The following PFKM variants were observed in gnomAD, a reference collection of about 807,000 sequenced individuals.
PFKM encodes phosphofructokinase, muscle.
A neutral mutation model predicts 95.5 loss-of-function variants in PFKM; 58 were observed. That is an observed-to-expected ratio of 0.61 (90% CI 0.49 to 0.76). The LOEUF (loss-of-function observed/expected upper bound fraction) is 0.76, where lower values mean the gene tolerates loss of function less well. Among genes scored for constraint, PFKM ranks in the 30% least tolerant of loss-of-function variants. The pLI is 0.00. For synonymous variants in PFKM, 336 were observed against 357.2 expected, an observed-to-expected ratio of 0.94 and a Z score of 0.67; for missense variants, 678 against 1,005.4, an observed-to-expected ratio of 0.67 and a Z score of 4.40.
At chr12:48,135,267 C>A in intron 9 of PFKM, 24 bp from the exon 10 acceptor site, 1 of 1,589,074 alleles carries the variant, frequency 6.3e-7, no homozygotes, top group Non-Finnish European at 8.6e-7. Flanking sequence ...AACCCTCTCT[C>A]TGTCCCTCTG....
At chr12:48,143,661 C>T in intron 18 of PFKM, 92 bp from the exon 19 acceptor site, 1 of 923,218 alleles carries the variant, frequency 1.1e-6, no homozygotes. Context: ...CCATGTGTCT[C>T]TTCCTTCCTG....
chr12:48,139,124 A>G (rs1288560425), intron 11 of PFKM, among the ~76,000 whole-genome samples, 161 bp from the exon 12 acceptor site: 1 of 152,238 alleles, frequency 6.6e-6, no homozygotes, highest in African/African-American at 2.4e-5. Context: ...AAAAACAAAA[A>G]TACTTCCATG....
intron 20 of PFKM, 70 bp downstream of exon 20, chr12:48,144,227 G>A: frequency 9.8e-7 from 1 of 1,021,294 alleles, no homozygotes; most frequent in Non-Finnish European, 1.5e-6. Context: ...CCTGCCAACA[G>A]CCACTGAGGC....
chr12:48,145,457 A>G lies in PFKM; in HGVS notation c.2199-107A>G, dbSNP rs965896669. On this transcript the variant is annotated intron_variant, in intron 22 of 22. Transcript: ENST00000359794. The surrounding 1 kb of genome is among the most constrained non-coding windows in gnomAD (Gnocchi z 4.3). ...CTTACCCATTTCAGATGTGATGCAC[A>G]TGTCCTAAATCTAACCTCTTCTGTC... The G allele has an allele frequency of 7.2e-7, 1 of 1,383,610 alleles. No individual in the cohort carries two copies. Among genetic ancestry groups the G allele is most frequent in the Non-Finnish European group, 1.0e-6 (1 of 978,566 alleles). 85.7% of individuals were successfully genotyped at this position (1,383,610 alleles called of 1,614,324 possible).
At chr12:48,122,318 T>C (rs187732538) in intron 1 of PFKM, among the ~76,000 whole-genome samples, 43 of 152,360 alleles carry the variant, frequency 2.8e-4, no homozygotes, top group Non-Finnish European at 1.5e-5. Flanking sequence ...ACCCTTGCTC[T>C]TCTACTTCTA....
At chr12:48,139,051 T>A (rs557316302) in intron 11 of PFKM, among the ~76,000 whole-genome samples, 70 of 152,098 alleles carry the variant, frequency 4.6e-4, no homozygotes, top group Middle Eastern at 3.4e-3. Flanking sequence ...AAAAAAAAAA[T>A]AAAATAAACA....
chr12:48,136,692 C>CTTTTTTTTTTTTTTTTT (rs1166389532), intron 10 of PFKM, among the ~76,000 whole-genome samples: 2 of 63,022 alleles, frequency 3.2e-5, no homozygotes, highest in Non-Finnish European at 5.9e-5. Flanking sequence ...GGGGTCGTCA[C>CTTTTTTTTTTTTTTTTT]TTTTTTTTTT....
intron 2 of PFKM, 133 bp downstream of exon 2, chr12:48,122,992 C>T (rs1398418211): frequency 1.3e-6 from 1 of 769,558 alleles, no homozygotes; most frequent in African/African-American, 1.7e-5. Context: ...TCTGTGAGGC[C>T]TAAGTCCTCA....
chr12:48,139,118 A>C (rs1950358806), intron 11 of PFKM, among the ~76,000 whole-genome samples, 167 bp from the exon 12 acceptor site: 1 of 152,218 alleles, frequency 6.6e-6, no homozygotes, highest in African/African-American at 2.4e-5. Context: ...CTCAGGAAAA[A>C]CAAAAATACT....
At chr12:48,125,310 AT>A (rs746672991) in intron 2 of PFKM, 11,671 of 318,706 alleles carry the variant, frequency 0.037, no homozygotes, top group South Asian at 0.057. Context: ...TATCTTTTTG[AT>A]TTTTTTTTTT....
rs1950564823 is a variant in PFKM at position 48,141,397 on chromosome 12, G to T, written c.1412+16G>T. On this transcript the variant is annotated intron_variant, in intron 15 of 22. Coordinates refer to ENST00000359794, the MANE Select transcript of PFKM (RefSeq NM_000289.6). The stretch of plus-strand genomic sequence containing the variant: ...GGACTAAAAGGTAAGTAGCACTGCA[G>T]AGGCACCTCCTCCCAGTCACCTCTT... The T allele has an allele frequency of 6.2e-7, 1 of 1,608,930 alleles. No homozygotes were observed. The highest frequency in any genetic ancestry group is 8.5e-7 in the Non-Finnish European group (1 of 1,175,360).
intron 6 of PFKM, among the ~76,000 whole-genome samples, chr12:48,133,993 T>C (rs1949795015): frequency 6.6e-6 from 1 of 152,150 alleles, no homozygotes; most frequent in Admixed American, 6.5e-5. Context: ...CCTGACCCGG[T>C]TCCTCCCTGG....
In PFKM at chr12:48,145,393, T is replaced by C; in HGVS notation, c.2198+78T>C. 1 of 1,369,758 alleles carries C rather than the reference T, an allele frequency of 7.3e-7. No homozygotes were observed. The highest frequency in any genetic ancestry group is 1.0e-6 in the Non-Finnish European group (1 of 966,358). The allele number at this position is 1,369,758 out of a possible 1,614,324, so 84.9% of individuals were successfully genotyped here. ...TACTGTCCTCAACCTGTTCACTGTC[T>C]TTAATTCTTTTTTTTTTTTAAGGAG... On this transcript the variant is annotated intron_variant, in intron 22 of 22. Coordinates refer to ENST00000359794, the MANE Select transcript of PFKM (RefSeq NM_000289.6). This position sits in a 1 kb window ranked among gnomAD's most constrained non-coding sequence, Gnocchi z 4.3.
chr12:48,140,975 T>G, intron 14 of PFKM, 104 bp downstream of exon 14: 1 of 1,225,992 alleles, frequency 8.2e-7, no homozygotes, highest in Non-Finnish European at 1.2e-6. Flanking sequence ...ACTACCTCTC[T>G]CTCCTCTCTC....
rs191320748 is a variant in PFKM at position 48,140,624 on chromosome 12, A to C, written c.1192-98A>C. On this transcript the variant is annotated intron_variant, in intron 13 of 22. Coordinates refer to ENST00000359794, the MANE Select transcript of PFKM (RefSeq NM_000289.6). ...CTTAGGCAGATATCCTGATCCCTGG[A>C]TGACAAGGGCTTAGAGCCCTTGCCC... The C allele has an allele frequency of 4.4e-5, 51 of 1,155,542 alleles. 1 individual carries two copies. In the Admixed American group the frequency reaches 8.6e-4, roughly 19 times the overall value. 71.6% of individuals were successfully genotyped at this position (1,155,542 alleles called of 1,614,324 possible).
rs78042191 is a variant in PFKM at position 48,131,466 on chromosome 12, G to T, written c.237+73G>T. On this transcript the variant is annotated intron_variant, in intron 4 of 22. Transcript: ENST00000359794. ...CATCCCACTCTGTTTTGGGCTCATG[G>T]TCTCCTAAATTCCCTGTCATGTGGT... is the stretch of plus-strand genomic sequence containing the variant. The T allele has an allele frequency of 9.1e-3, 9,826 of 1,076,164 alleles. 143 individuals are homozygous for T. Among genetic ancestry groups the T allele is most frequent in the African/African-American group, 0.047 (3,013 of 64,786 alleles). The allele number at this position is 1,076,164 out of a possible 1,614,324, so 66.7% of individuals were successfully genotyped here.
At chr12:48,127,262 C>A (rs915462879) in intron 2 of PFKM, among the ~76,000 whole-genome samples, 5 of 152,146 alleles carry the variant, frequency 3.3e-5, no homozygotes, top group African/African-American at 9.7e-5. Context: ...CCTGTTCCTT[C>A]AATGTTGGTT....
chr12:48,141,715 C>T (rs1321571461), intron 15 of PFKM, 25 bp from the exon 16 acceptor site: 2 of 1,540,796 alleles, frequency 1.3e-6, no homozygotes, highest in Non-Finnish European at 1.8e-6. Context: ...TCCCCTTCCC[C>T]TCCCCGCCAT....
intron 3 of PFKM, among the ~76,000 whole-genome samples, chr12:48,130,997 A>C (rs989043068): frequency 6.6e-6 from 1 of 152,124 alleles, no homozygotes; most frequent in African/African-American, 2.4e-5. Flanking sequence ...GGTTATCAAG[A>C]CCATCTGTTA....
Sources: allele counts gnomAD v4.1 joint callset (sites outside exome capture counted in the v4.1 genomes callset), GRCh38; gene constraint gnomAD v4.1.1; non-coding constraint Gnocchi (gnomAD v3.1); transcripts MANE v1.5; gene names NCBI Gene and HGNC (gene_info 2026-07-23, HGNC 2026-07-21).